TDRD12: variants seen among roughly 807,000 people sequenced by gnomAD.
TDRD12 encodes tudor domain containing 12.
In TDRD12, 158 loss-of-function variants were observed where a neutral mutation model predicts 133.5. That is an observed-to-expected ratio of 1.18 (90% CI 1.04 to 1.35). TDRD12 has a LOEUF of 1.35. Ranked by LOEUF, TDRD12 falls within the 40% of genes most tolerant of loss-of-function variation. The pLI is 0.00. For missense variants in TDRD12, 1,443 were observed against 1,321.3 expected (o/e 1.09, Z -1.43); for synonymous variants, 460 against 477.9 (o/e 0.96, Z 0.49).
chr19:32,751,536 TTCTCC>T (rs112532258), intron 6 of TDRD12, among the ~76,000 whole-genome samples: 2 of 151,890 alleles, frequency 1.3e-5, no homozygotes, highest in African/African-American at 4.8e-5. Flanking sequence ...CTCTACATTT[TTCTCC>T]TCTCCTCTCC....
At chr19:32,740,827 A>G (rs1053880223) in intron 3 of TDRD12, among the ~76,000 whole-genome samples, 2 of 152,170 alleles carry the variant, frequency 1.3e-5, no homozygotes, top group East Asian at 1.9e-4. Flanking sequence ...GTGACCATCA[A>G]TGAGGTTGGG....
intron 10 of TDRD12, 67 bp from the exon 11 acceptor site, chr19:32,777,081 TG>T: frequency 1.0e-6 from 1 of 977,754 alleles, no homozygotes; most frequent in Non-Finnish European, 1.5e-6. Flanking sequence ...TTTGTCGAGA[TG>T]GGGACTCACT....
intron 6 of TDRD12, among the ~76,000 whole-genome samples, chr19:32,751,883 TA>T (rs1969839841): frequency 6.6e-6 from 1 of 151,946 alleles, no homozygotes; most frequent in South Asian, 2.1e-4. Flanking sequence ...TTTATTTATT[TA>T]TTTTTTTGAG....
chr19:32,745,205 A>C (rs1355242473), intron 4 of TDRD12, among the ~76,000 whole-genome samples: 1 of 152,062 alleles, frequency 6.6e-6, no homozygotes, highest in Non-Finnish European at 1.5e-5. Context: ...TGTGTGTGCA[A>C]CCCAGCTCCC....
At chr19:32,788,614 G>A (rs1970977879) in intron 11 of TDRD12, among the ~76,000 whole-genome samples, 1 of 152,036 alleles carries the variant, frequency 6.6e-6, no homozygotes, top group Non-Finnish European at 1.5e-5. Flanking sequence ...TTTTTGTGGG[G>A]GAGTTTTCTT....
chr19:32,755,499 T>G (rs1269538057), intron 6 of TDRD12, among the ~76,000 whole-genome samples: 3 of 152,240 alleles, frequency 2.0e-5, no homozygotes, highest in African/African-American at 7.2e-5. Flanking sequence ...AAGCAGACAT[T>G]CAGATTGTTT....
chr19:32,802,738 A>T, exon 20 of TDRD12: 1 of 1,536,522 alleles, frequency 6.5e-7, no homozygotes, highest in Non-Finnish European at 8.7e-7. Flanking sequence ...CCTCACCAAA[A>T]GTTTTTGGTG....
intron 8 of TDRD12, among the ~76,000 whole-genome samples, chr19:32,766,914 C>G (rs528145033): frequency 6.6e-6 from 1 of 151,790 alleles, no homozygotes; most frequent in East Asian, 2.0e-4. Context: ...CATGCCTGGT[C>G]AGCTGTAATT....
At chr19:32,741,160 G>T (rs1969413088) in intron 3 of TDRD12, among the ~76,000 whole-genome samples, 1 of 152,180 alleles carries the variant, frequency 6.6e-6, no homozygotes, top group South Asian at 2.1e-4. Flanking sequence ...TTGGCTCACT[G>T]CAATCTCTGC....
intron 8 of TDRD12, among the ~76,000 whole-genome samples, chr19:32,762,184 A>G (rs538873723): frequency 6.6e-6 from 1 of 152,314 alleles, no homozygotes; most frequent in South Asian, 2.1e-4. Flanking sequence ...AGAAATGTTT[A>G]GTTTTAATGA....
chr19:32,761,972 G>A (rs1970164167), intron 8 of TDRD12, among the ~76,000 whole-genome samples: 2 of 152,152 alleles, frequency 1.3e-5, no homozygotes, highest in Admixed American at 1.3e-4. Flanking sequence ...CCAAAGTGCG[G>A]GGATTACAGG....
chr19:32,731,346 G>A lies in TDRD12; in HGVS notation c.25-379G>A, dbSNP rs144799272. ...GAAGTGGGAAAATTGCTCGAGCCCC[G>A]GAGTTTGAGACTAGCCTGGGCAAAA... is the stretch of plus-strand genomic sequence containing the variant. On this transcript the variant is annotated intron_variant, in intron 1 of 27. Coordinates refer to ENST00000444215, the Ensembl canonical transcript of TDRD12. Among the ~76,000 whole-genome samples, 168 of 152,070 alleles carry A rather than the reference G, an allele frequency of 1.1e-3. 1 individual carries two copies. The East Asian group carries it at 0.028, about 25-fold the overall frequency.
chr19:32,777,845 ATATATATATATATTTTTTTTTTTTTTTTT>A (rs1244300864), intron 11 of TDRD12, among the ~76,000 whole-genome samples: 4 of 14,588 alleles, frequency 2.7e-4, no homozygotes, highest in Non-Finnish European at 4.6e-4. Flanking sequence ...ATATATATAT[ATATATATATATATTTTTTTTTTTTTTTTT>A]TTTTTTTTTT....
chr19:32,824,447 C>CATGT (rs2145770054), downstream of TDRD12: 1 of 153,592 alleles, frequency 6.5e-6, no homozygotes, highest in Admixed American at 6.5e-5. Flanking sequence ...GTTTGTGTTG[C>CATGT]ATGTGGCCCG....
chr19:32,815,563 A>G (rs953719288), exon 26 of TDRD12: 1 of 1,536,240 alleles, frequency 6.5e-7, no homozygotes, highest in Non-Finnish European at 8.7e-7. Context: ...GAACAACTGA[A>G]AAAATTACGC....
intron 4 of TDRD12, among the ~76,000 whole-genome samples, chr19:32,746,273 T>A (rs1187612549): frequency 6.6e-5 from 7 of 105,464 alleles, no homozygotes; most frequent in African/African-American, 1.9e-4. Context: ...AGAGAGAGAG[T>A]CTGGCTGATG....
chr19:32,798,444 G>A lies in TDRD12; in HGVS notation c.1758+9G>A, dbSNP rs753239167. ...TGGAAGCCAATGAACAGGTGAGCGT[G>A]GCTTAAGGTCCTCAGCACTCAGAAG... is the stretch of plus-strand genomic sequence containing the variant. On this transcript the variant is annotated intron_variant, in intron 16 of 27. Coordinates refer to ENST00000444215, the Ensembl canonical transcript of TDRD12. 10 of 1,528,346 alleles carry A rather than the reference G, an allele frequency of 6.5e-6. No individual in the cohort carries two copies. The South Asian group carries it at 9.6e-5, about 15-fold the overall frequency. 94.7% of individuals were successfully genotyped at this position (1,528,346 alleles called of 1,614,324 possible).
At chr19:32,782,656 A>G (rs1318026134) in intron 11 of TDRD12, among the ~76,000 whole-genome samples, 3 of 152,206 alleles carry the variant, frequency 2.0e-5, no homozygotes, top group Admixed American at 2.0e-4. Flanking sequence ...AATGATCGCC[A>G]TTCTAACTGG....
Position 32,810,295 on chromosome 19 carries a change from T to C in TDRD12, c.2837+18T>C, listed in dbSNP as rs1209477926. 6.7e-6 allele frequency: 10 copies of C among 1,481,986 alleles called. No individual in the cohort carries two copies. The highest frequency in any genetic ancestry group is 8.9e-6 in the Non-Finnish European group (10 of 1,121,608). 91.8% of individuals were successfully genotyped at this position (1,481,986 alleles called of 1,614,324 possible). Reference sequence around the variant, plus strand: ...TTTCACAGGTAACACATCTGTTTACTTCATCTGTAAAGTTTTGAAGCATGA... The same window carrying C: ...TTTCACAGGTAACACATCTGTTTACCTCATCTGTAAAGTTTTGAAGCATGA... On this transcript the variant is annotated intron_variant, in intron 23 of 27. Transcript: ENST00000444215.
Sources: allele counts gnomAD v4.1 joint callset (sites outside exome capture counted in the v4.1 genomes callset), GRCh38; gene constraint gnomAD v4.1.1; transcripts MANE v1.5; gene names NCBI Gene and HGNC (gene_info 2026-07-23, HGNC 2026-07-21).